The following RAB5A variants were observed in gnomAD, a reference collection of about 807,000 sequenced individuals.
RAB5A encodes the protein ras-related protein Rab-5A.
In RAB5A, 8 loss-of-function variants were observed where a neutral mutation model predicts 25.7. The ratio of observed to expected loss-of-function variants is 0.31; its 90% CI spans 0.18 to 0.56. The LOEUF (loss-of-function observed/expected upper bound fraction) is 0.56. RAB5A is among the 20% of genes least tolerant of loss of function. RAB5A has a pLI of 0.91. For synonymous variants in RAB5A, 98 were observed against 89.8 expected (o/e 1.09, Z -0.52); for missense variants, 192 against 259.7 (o/e 0.74, Z 1.79).
intron 2 of RAB5A, among the ~76,000 whole-genome samples, chr3:19,956,159 A>G (rs1696498835): frequency 6.6e-6 from 1 of 152,092 alleles, no homozygotes; most frequent in African/African-American, 2.4e-5. Context: ...CTGATAATAC[A>G]CAAAATTAAT....
Position 19,956,584 on chromosome 3 carries a change from G to A in RAB5A, c.163+5523G>A, listed in dbSNP as rs540971522. Among the ~76,000 whole-genome samples, 26 of 152,230 alleles carry A rather than the reference G, an allele frequency of 1.7e-4. No homozygotes were observed. In the South Asian group the frequency reaches 5.2e-3, roughly 30 times the overall value. ...TTTAGTCTAAAACAACCTGTAACAG[G>A]AATAAAAGTTACTGTTAAAATGAAG... is the stretch of plus-strand genomic sequence containing the variant. On this transcript the variant is annotated intron_variant, in intron 2 of 5. Transcript: ENST00000273047.
chr3:19,978,467 TTGAC>T (rs1214952168), intron 5 of RAB5A, 64 bp downstream of exon 5: 34 of 1,283,360 alleles, frequency 2.6e-5, no homozygotes, highest in African/African-American at 4.5e-5. Context: ...CATATTTGGT[TTGAC>T]TGTCTCTTTT....
chr3:19,975,859 T>C, intron 3 of RAB5A, 107 bp downstream of exon 3: 1 of 1,361,258 alleles, frequency 7.3e-7, no homozygotes, highest in East Asian at 2.4e-5. Flanking sequence ...GTCATGACCT[T>C]TCTGCTGAAG....
intron 1 of RAB5A, among the ~76,000 whole-genome samples, chr3:19,949,285 T>A (rs2125176818): frequency 6.6e-6 from 1 of 152,276 alleles, no homozygotes; most frequent in Admixed American, 6.5e-5. Flanking sequence ...GGCAAGGAGG[T>A]AGTTTCATTG....
chr3:19,976,205 T>TC (rs1696822867), intron 4 of RAB5A, 36 bp downstream of exon 4: 1 of 1,584,394 alleles, frequency 6.3e-7, no homozygotes, highest in East Asian at 2.3e-5. Context: ...AAAGGCACTT[T>TC]TTTCCTGTAT....
chr3:19,962,283 C>A (rs554342506), intron 2 of RAB5A, among the ~76,000 whole-genome samples: 2 of 152,210 alleles, frequency 1.3e-5, no homozygotes, highest in Non-Finnish European at 2.9e-5. Flanking sequence ...AAAATACAAT[C>A]TACAGGCTGG....
At chr3:19,968,972 G>C (rs1444754876) in intron 2 of RAB5A, among the ~76,000 whole-genome samples, 3 of 150,710 alleles carry the variant, frequency 2.0e-5, no homozygotes, top group Non-Finnish European at 4.4e-5. Flanking sequence ...TTCCAACGGA[G>C]TTGTACGAAA....
At chr3:19,956,127 T>C (rs1420628822) in intron 2 of RAB5A, among the ~76,000 whole-genome samples, 1 of 152,188 alleles carries the variant, frequency 6.6e-6, no homozygotes, top group Admixed American at 6.5e-5. Flanking sequence ...TGCTCTCCTT[T>C]CTTGTCACAA....
chr3:19,981,210 G>A (rs1696919944), intron 5 of RAB5A, among the ~76,000 whole-genome samples: 1 of 152,130 alleles, frequency 6.6e-6, no homozygotes, highest in Admixed American at 6.5e-5. Flanking sequence ...CTTTACAGTG[G>A]TTTGACTTAC....
chr3:19,948,687 G>A (rs1696372473), intron 1 of RAB5A, among the ~76,000 whole-genome samples: 1 of 151,592 alleles, frequency 6.6e-6, no homozygotes, highest in African/African-American at 2.4e-5. Context: ...AGGGGGAGTA[G>A]CCACAATTAA....
At chr3:19,947,846 G>A (rs1373623811) in intron 1 of RAB5A, 2 of 152,926 alleles carry the variant, frequency 1.3e-5, no homozygotes, top group Non-Finnish European at 2.9e-5. Flanking sequence ...CAGTCCTGGG[G>A]GTCTCGGTCA....
chr3:19,973,037 A>G (rs1186956269), intron 2 of RAB5A, among the ~76,000 whole-genome samples: 1 of 152,228 alleles, frequency 6.6e-6, no homozygotes, highest in Non-Finnish European at 1.5e-5. Context: ...ATCTATGTGG[A>G]TGACGTGAGG....
chr3:19,974,702 T>C (rs961506018), intron 2 of RAB5A, among the ~76,000 whole-genome samples: 4 of 131,966 alleles, frequency 3.0e-5, no homozygotes, highest in African/African-American at 1.2e-4. Flanking sequence ...GCCTGGGAGA[T>C]AGAGCAAGAC....
chr3:19,983,635 TATA>T, intron 5 of RAB5A, 70 bp from the exon 6 acceptor site: 2 of 1,024,228 alleles, frequency 2.0e-6, no homozygotes, highest in Non-Finnish European at 3.0e-6. Flanking sequence ...AAAGAAAAAT[TATA>T]GATAAGCAGG....
intron 2 of RAB5A, among the ~76,000 whole-genome samples, chr3:19,969,572 T>A (rs1696714026): frequency 1.3e-5 from 2 of 152,234 alleles, no homozygotes; most frequent in Non-Finnish European, 2.9e-5. Context: ...TTTGCCCCTT[T>A]GTTATGGATG....
intron 2 of RAB5A, among the ~76,000 whole-genome samples, chr3:19,953,531 C>A (rs569996963): frequency 6.6e-6 from 1 of 151,990 alleles, no homozygotes; most frequent in Non-Finnish European, 1.5e-5. Flanking sequence ...CCTCAGCCCC[C>A]CAAGTAGCTG....
chr3:19,969,015 G>A (rs558850084), intron 2 of RAB5A, among the ~76,000 whole-genome samples: 8 of 143,320 alleles, frequency 5.6e-5, no homozygotes, highest in African/African-American at 2.0e-4. Context: ...TTGCAAATTG[G>A]TGTTTTTTGG....
At chr3:19,969,120 C>T (rs1696708171) in intron 2 of RAB5A, among the ~76,000 whole-genome samples, 1 of 147,010 alleles carries the variant, frequency 6.8e-6, no homozygotes, top group African/African-American at 2.5e-5. Context: ...TCTTGGCTCA[C>T]TGCAACCTCC....
intron 5 of RAB5A, among the ~76,000 whole-genome samples, chr3:19,982,780 A>G (rs1696955075): frequency 6.7e-6 from 1 of 150,270 alleles, no homozygotes; most frequent in Admixed American, 6.6e-5. Flanking sequence ...AAAAAAAAAG[A>G]GAGCATGTAT....
Sources: gnomAD v4.1 joint callset for allele counts (sites outside exome capture counted in the v4.1 genomes callset) on GRCh38, gnomAD v4.1.1 for gene constraint, MANE v1.5 for transcripts, NCBI Gene and HGNC (gene_info 2026-07-23, HGNC 2026-07-21) for gene names.